PTPRD: variants seen among roughly 807,000 people sequenced by gnomAD.
PTPRD encodes protein tyrosine phosphatase receptor type D.
A neutral mutation model predicts 214.5 loss-of-function variants in PTPRD; 34 were observed. The ratio of observed to expected loss-of-function variants is 0.16; its 90% CI spans 0.12 to 0.21. The LOEUF (loss-of-function observed/expected upper bound fraction) is 0.21, where lower values mean the gene tolerates loss of function less well. Ranked by LOEUF, PTPRD falls within the 10% of genes least tolerant of loss-of-function variation. The pLI is 1.00. For missense variants in PTPRD, 2,545 were observed against 2,398.7 expected, an observed-to-expected ratio of 1.06 and a Z score of -1.27; for synonymous variants, 1,128 against 845.7, an observed-to-expected ratio of 1.33 and a Z score of -5.79.
intron 8 of PTPRD, among the ~76,000 whole-genome samples, chr9:9,458,093 A>T (rs1013535955): frequency 6.6e-6 from 1 of 152,102 alleles, no homozygotes; most frequent in African/African-American, 2.4e-5. Context: ...TTTCTTTAGA[A>T]TGTTAAGAAA....
chr9:9,679,718 A>T (rs1402110137), intron 7 of PTPRD, among the ~76,000 whole-genome samples: 1 of 151,920 alleles, frequency 6.6e-6, no homozygotes, highest in African/African-American at 2.4e-5. Flanking sequence ...TTAAAAACTA[A>T]AAGATGTAAG....
chr9:9,019,887 T>C (rs928770475), intron 10 of PTPRD, among the ~76,000 whole-genome samples: 2 of 152,200 alleles, frequency 1.3e-5, no homozygotes, highest in African/African-American at 4.8e-5. Context: ...GTTCACTTTT[T>C]TTTTCTTTTT....
At chr9:10,336,254 G>A (rs974652199) in intron 3 of PTPRD, among the ~76,000 whole-genome samples, 1 of 151,582 alleles carries the variant, frequency 6.6e-6, no homozygotes, top group Non-Finnish European at 1.5e-5. Context: ...ATAAGTGAAA[G>A]AATACTAAAT....
intron 3 of PTPRD, among the ~76,000 whole-genome samples, chr9:10,228,513 G>A (rs1307867953): frequency 2.0e-5 from 3 of 151,820 alleles, no homozygotes; most frequent in Non-Finnish European, 4.4e-5. Context: ...GCATGTGTTA[G>A]GTAGAAAATG....
intron 3 of PTPRD, among the ~76,000 whole-genome samples, chr9:10,096,961 G>A (rs940725458): frequency 2.2e-4 from 33 of 152,072 alleles, no homozygotes; most frequent in African/African-American, 7.7e-4. Flanking sequence ...CATATGGCTA[G>A]CCAATTTTCC....
chr9:9,200,719 G>A (rs1159196586), intron 9 of PTPRD, among the ~76,000 whole-genome samples: 1 of 152,130 alleles, frequency 6.6e-6, no homozygotes, highest in East Asian at 1.9e-4. Flanking sequence ...TTCCTTAAGA[G>A]GTATCAAGAA....
intron 11 of PTPRD, among the ~76,000 whole-genome samples, chr9:8,822,120 A>G (rs1045034311): frequency 4.6e-5 from 7 of 152,228 alleles, no homozygotes; most frequent in South Asian, 2.1e-4. Flanking sequence ...TTGCTTAGTA[A>G]GCATTTTTCA....
At chr9:10,430,780 T>G (rs893910429) in intron 2 of PTPRD, among the ~76,000 whole-genome samples, 1 of 151,962 alleles carries the variant, frequency 6.6e-6, no homozygotes, top group Non-Finnish European at 1.5e-5. Context: ...ATTTTAATAA[T>G]GATTAGTACA....
intron 14 of PTPRD, among the ~76,000 whole-genome samples, chr9:8,574,906 G>T (rs538949500): frequency 2.0e-5 from 3 of 151,996 alleles, no homozygotes; most frequent in African/African-American, 7.2e-5. Context: ...GAATATGCAT[G>T]CCCAAGAAGA....
At chr9:10,395,101 T>C (rs2098142455) in intron 2 of PTPRD, among the ~76,000 whole-genome samples, 1 of 151,048 alleles carries the variant, frequency 6.6e-6, no homozygotes, top group Non-Finnish European at 1.5e-5. Flanking sequence ...GCTTTCTTTT[T>C]ATTATTATTA....
Position 9,872,560 on chromosome 9 carries a change from A to G in PTPRD, c.-368+65947T>C, listed in dbSNP as rs962976964. ...AGGCTATAGTGAGTCACTGTACTCC[A>G]GCCTGGGCAACAGAGCAAGGCCCTG... On this transcript the variant is annotated intron_variant, in intron 5 of 45. Transcript: ENST00000381196. 8.5e-5 allele frequency among the ~76,000 whole-genome samples: 13 copies of G among 152,142 alleles called. No homozygotes were observed. The South Asian group carries it at 1.7e-3, about 19-fold the overall frequency.
At chr9:8,791,167 A>G (rs896251563) in intron 11 of PTPRD, among the ~76,000 whole-genome samples, 2 of 152,200 alleles carry the variant, frequency 1.3e-5, no homozygotes, top group South Asian at 2.1e-4. Flanking sequence ...AAACATGAGA[A>G]ACAGTGACAA....
chr9:9,344,587 A>G (rs1228890809), intron 9 of PTPRD, among the ~76,000 whole-genome samples: 1 of 152,160 alleles, frequency 6.6e-6, no homozygotes, highest in Non-Finnish European at 1.5e-5. Context: ...TTCAGCCTGT[A>G]TTCATGACTA....
intron 3 of PTPRD, among the ~76,000 whole-genome samples, chr9:10,200,972 C>T (rs866033958): frequency 3.3e-5 from 5 of 151,980 alleles, no homozygotes; most frequent in Non-Finnish European, 7.4e-5. Context: ...ATAAAAGACA[C>T]AGCTTATATA....
At chr9:10,299,957 C>G (rs1038512238) in intron 3 of PTPRD, among the ~76,000 whole-genome samples, 3 of 152,116 alleles carry the variant, frequency 2.0e-5, no homozygotes, top group African/African-American at 7.2e-5. Flanking sequence ...TAATCTGACT[C>G]ACTATGTATT....
chr9:9,400,844 T>C (rs2070099243), intron 8 of PTPRD, among the ~76,000 whole-genome samples: 1 of 152,002 alleles, frequency 6.6e-6, no homozygotes, highest in Non-Finnish European at 1.5e-5. Context: ...CTGAGAACCT[T>C]TCAGATGCAA....
chr9:10,494,554 T>C (rs1317190840), intron 2 of PTPRD, among the ~76,000 whole-genome samples: 1 of 151,312 alleles, frequency 6.6e-6, no homozygotes, highest in Non-Finnish European at 1.5e-5. Flanking sequence ...AATTCCAGCA[T>C]TATAATTTTT....
intron 9 of PTPRD, among the ~76,000 whole-genome samples, chr9:9,389,102 C>G (rs573826418): frequency 6.6e-5 from 10 of 152,190 alleles, no homozygotes; most frequent in Non-Finnish European, 1.0e-4. Context: ...AATAGTGCCT[C>G]CATTATAAGG....
chr9:8,936,846 T>C (rs1035923254), intron 11 of PTPRD, among the ~76,000 whole-genome samples: 6 of 152,200 alleles, frequency 3.9e-5, no homozygotes, highest in African/African-American at 9.7e-5. Flanking sequence ...TGGTTTCTTA[T>C]ACAGAATTCA....
Sources: allele counts gnomAD v4.1 joint callset (sites outside exome capture counted in the v4.1 genomes callset), GRCh38; gene constraint gnomAD v4.1.1; transcripts MANE v1.5; gene names NCBI Gene and HGNC (gene_info 2026-07-23, HGNC 2026-07-21).